Variants in RNH1 observed in about 807,000 individuals in gnomAD.
The protein encoded by RNH1 is ribonuclease inhibitor.
In RNH1, 38 loss-of-function variants were observed where a neutral mutation model predicts 46.1. The ratio of observed to expected loss-of-function variants is 0.82; its 90% CI spans 0.64 to 1.08. The LOEUF (loss-of-function observed/expected upper bound fraction) is 1.08, where lower values mean the gene tolerates loss of function less well. Ranked by LOEUF, RNH1 falls within the 50% of genes least tolerant of loss-of-function variation. The pLI is 0.00. For missense variants in RNH1, 577 were observed against 590.7 expected, an observed-to-expected ratio of 0.98 and a Z score of 0.24; for synonymous variants, 319 against 279.1, an observed-to-expected ratio of 1.14 and a Z score of -1.43.
rs1849789569 is a variant in RNH1 at position 501,999 on chromosome 11, G to A, written c.101+63C>T. 2 of 1,157,690 alleles carry A rather than the reference G, an allele frequency of 1.7e-6. No individual in the cohort carries two copies. The highest frequency in any genetic ancestry group is 1.5e-5 in the African/African-American group (1 of 65,872). 71.7% of individuals were successfully genotyped at this position (1,157,690 alleles called of 1,614,324 possible). ...GTTCCAGAGCAATGCACCCTTCAGA[G>A]GGAGCCGCCACCCGCCAGCCTGCCC... On this transcript the variant is annotated intron_variant, in intron 3 of 10. Coordinates refer to ENST00000354420, the MANE Select transcript of RNH1 (RefSeq NM_203387.3). This position sits in a 1 kb window ranked among gnomAD's most constrained non-coding sequence, Gnocchi z 4.1.
In RNH1 at chr11:498,996, C is replaced by T; in HGVS notation, c.614+19G>A. 6.2e-7 allele frequency: 1 copy of T among 1,612,686 alleles called. No homozygotes were observed. The highest frequency in any genetic ancestry group is 8.5e-7 in the Non-Finnish European group (1 of 1,179,780). On this transcript the variant is annotated intron_variant, in intron 6 of 10. Coordinates refer to ENST00000354420, the MANE Select transcript of RNH1 (RefSeq NM_203387.3). ...CCCCCTAGCCCACACCCCGCACCCCCCCAAGGCCCAGTGCCTACTTGAGCG... is the reference window on the plus strand; with the variant it reads ...CCCCCTAGCCCACACCCCGCACCCCTCCAAGGCCCAGTGCCTACTTGAGCG...
Position 498,813 on chromosome 11 carries a change from C to G in RNH1, c.735G>C (p.Ala245=). The G allele has an allele frequency of 6.2e-7, 1 of 1,608,632 alleles. No individual in the cohort carries two copies. Among genetic ancestry groups the G allele is most frequent in the Non-Finnish European group, 8.5e-7 (1 of 1,179,662 alleles). The change falls in exon 7 of 11, where the codon GCG becomes GCC. Residue 245 remains alanine (A), a synonymous_variant. Transcript: ENST00000354420. ...GGTGGAGCAGCCCTGGGCACAGCTC[C>G]GCCATGCCCACATCACCCAGCTTGT... is the stretch of plus-strand genomic sequence containing the variant. ...GSNKLGDVGM[A]ELCPGLLHPS...
intron 3 of RNH1, chr11:500,918 C>A (rs561546096): frequency 1.8e-4 from 102 of 556,760 alleles, no homozygotes; most frequent in Non-Finnish European, 3.0e-4. Context: ...CACCTGAGGT[C>A]GGGAGTTCAA....
Position 502,367 on chromosome 11 carries a change from G to A in RNH1, c.-87-118C>T. 1 of 604,394 alleles carries A rather than the reference G, an allele frequency of 1.7e-6. No individual in the cohort carries two copies. The highest frequency in any genetic ancestry group is 3.0e-6 in the Non-Finnish European group (1 of 336,680). The allele number at this position is 604,394 out of a possible 1,614,324, so 37.4% of individuals were successfully genotyped here. A position where few individuals can be genotyped will look rare whatever the true frequency, so the allele number is the denominator to read the frequency against. ...TCTCTGGAGCAGACATCAGGGGTGG[G>A]GCAGGGGGCAGGGACCAGCACCCAC... On this transcript the variant is annotated intron_variant, in intron 2 of 10. Coordinates refer to ENST00000354420, the MANE Select transcript of RNH1 (RefSeq NM_203387.3). This position sits in a 1 kb window ranked among gnomAD's most constrained non-coding sequence, Gnocchi z 5.8.
chr11:494,693 A>G lies in RNH1; in HGVS notation c.1384T>C (p.Ter462ArgextTer?). The change falls in exon 11 of 11, where the codon TGA (stop) becomes CGA (arginine). Residue 462 changes from the stop codon to arginine (R), a stop_lost. Transcript: ENST00000354420. ...KDKPSLRVIS[*>R] ...GGAGAGCAGCAGCAGGAAGAGCCTC[A>G]GGAGATGACCCTCAGGGATGGCTTG... The G allele has an allele frequency of 1.2e-6, 2 of 1,613,556 alleles. No individual in the cohort carries two copies. The highest frequency in any genetic ancestry group is 1.1e-5 in the South Asian group (1 of 91,080).
intron 1 of RNH1, chr11:506,446 C>G (rs922579138): frequency 1.3e-5 from 2 of 152,276 alleles, no homozygotes; most frequent in African/African-American, 4.8e-5. Context: ...AACCCTGACA[C>G]CGGCCCCTAA....
chr11:504,722 C>G (rs1010234404), intron 2 of RNH1, 102 bp downstream of exon 2: 1 of 152,400 alleles, frequency 6.6e-6, no homozygotes, highest in African/African-American at 2.4e-5. Flanking sequence ...GACCATCCCT[C>G]CAGCTCTGGC....
Position 502,172 on chromosome 11 carries a change from G to A in RNH1, c.-10C>T, listed in dbSNP as rs971478211. 1 of 1,602,088 alleles carries A rather than the reference G, an allele frequency of 6.2e-7. No homozygotes were observed. Among genetic ancestry groups the A allele is most frequent in the Non-Finnish European group, 8.5e-7 (1 of 1,172,912 alleles). On this transcript the variant is annotated 5_prime_UTR_variant, in exon 3 of 11. Transcript: ENST00000354420. This position sits in a 1 kb window ranked among gnomAD's most constrained non-coding sequence, Gnocchi z 5.8. Reference sequence around the variant, plus strand: ...GGATGTCCAGGCTCATGGTGGAGGTGAAGAGTGGCCTGGGTGGGAGGCAGA... The same window carrying A: ...GGATGTCCAGGCTCATGGTGGAGGTAAAGAGTGGCCTGGGTGGGAGGCAGA...
chr11:505,512 A>G (rs1016044190), intron 1 of RNH1: 2 of 152,264 alleles, frequency 1.3e-5, no homozygotes, highest in African/African-American at 2.4e-5. Context: ...AAACTCCAGA[A>G]GGAACTACCC....
At chr11:500,101 G>A (rs1021271537) in intron 4 of RNH1, 102 bp from the exon 5 acceptor site, 10 of 1,308,108 alleles carry the variant, frequency 7.6e-6, no homozygotes, top group Admixed American at 2.8e-5. Flanking sequence ...CAGGCGGCAG[G>A]TCTATACCTG....
At chr11:500,757 G>T (rs527874862) in intron 3 of RNH1, 103 bp from the exon 4 acceptor site, 1 of 1,190,682 alleles carries the variant, frequency 8.4e-7, no homozygotes, top group Non-Finnish European at 1.2e-6. Flanking sequence ...GGGCCCAGAA[G>T]ACAGCAAGGC....
At chr11:500,738 C>T (rs749047081) in intron 3 of RNH1, 84 bp from the exon 4 acceptor site, 1 of 1,440,396 alleles carries the variant, frequency 6.9e-7, no homozygotes, top group South Asian at 1.2e-5. Context: ...CAGGTTACAA[C>T]CTATCAGTGG....
intron 1 of RNH1, chr11:506,678 C>T (rs964270387): frequency 6.6e-6 from 1 of 152,318 alleles, no homozygotes; most frequent in African/African-American, 2.4e-5. Context: ...CCCGGGAGGC[C>T]GCTTCTTTGG....
At chr11:500,692 C>T (rs377252194) in intron 3 of RNH1, 38 bp from the exon 4 acceptor site, 3 of 1,598,134 alleles carry the variant, frequency 1.9e-6, no homozygotes, top group African/African-American at 1.3e-5. Flanking sequence ...ACCACGCAGA[C>T]AGCACTGGCC....
At chr11:498,981 C>T in intron 6 of RNH1, 34 bp downstream of exon 6, 1 of 1,611,770 alleles carries the variant, frequency 6.2e-7, no homozygotes, top group Non-Finnish European at 8.5e-7. Flanking sequence ...CCCCCTAGCC[C>T]ACACCCCGCA....
At position 498,918 on chromosome 11, in the gene RNH1, A is replaced by G; in HGVS notation, c.630T>C (p.Gly210=). 1 of 1,612,472 alleles carries G rather than the reference A, an allele frequency of 6.2e-7. No homozygotes were observed. The highest frequency in any genetic ancestry group is 8.5e-7 in the Non-Finnish European group (1 of 1,179,738). ...QLEALKLESC[G]VTSDNCRDLC... is the part of the protein sequence containing the mutation. ...GGTCCCGGCAGTTGTCTGATGTCACACCGCAGCTCTCCAGCCTGGGGACAC... is the reference window on the plus strand; with the variant it reads ...GGTCCCGGCAGTTGTCTGATGTCACGCCGCAGCTCTCCAGCCTGGGGACAC... Residue 210 remains glycine, a synonymous_variant, in exon 7 of 11, where the codon GGT becomes GGC. Transcript: ENST00000354420.
intron 9 of RNH1, among the ~76,000 whole-genome samples, chr11:496,140 G>C (rs534215069): frequency 3.3e-5 from 5 of 152,192 alleles, no homozygotes; most frequent in Non-Finnish European, 7.3e-5. Flanking sequence ...GTAGAACCAA[G>C]TATCCAGCAC....
In RNH1 at chr11:504,856, A is replaced by C. The variant is rs1405498099; in HGVS notation, c.-120T>G. On this transcript the variant is annotated 5_prime_UTR_variant, in exon 2 of 11. Coordinates refer to ENST00000354420, the MANE Select transcript of RNH1 (RefSeq NM_203387.3). ...ACCCCTTTTTGCTACCAGACTGGAG[A>C]AGGTGGAACAGGTTGACGATGATTT... The C allele has an allele frequency of 1.3e-5, 2 of 152,188 alleles. No individual in the cohort carries two copies. The highest frequency in any genetic ancestry group is 2.9e-5 in the Non-Finnish European group (2 of 68,030). 9.4% of individuals were successfully genotyped at this position (152,188 alleles called of 1,614,324 possible).
intron 9 of RNH1, among the ~76,000 whole-genome samples, chr11:497,649 T>TCTCACCCATGTGCTCACACACACGTG (rs1238283516): frequency 7.3e-6 from 1 of 136,878 alleles, no homozygotes; most frequent in South Asian, 2.3e-4. Context: ...ACACTCGTGC[T>TCTCACCCATGTGCTCACACACACGTG]CTCACCCATG....
Sources: allele counts gnomAD v4.1 joint callset (sites outside exome capture counted in the v4.1 genomes callset), GRCh38; gene constraint gnomAD v4.1.1; non-coding constraint Gnocchi (gnomAD v3.1); transcripts MANE v1.5; gene names NCBI Gene and HGNC (gene_info 2026-07-23, HGNC 2026-07-21).